The following DSCAM variants were observed in gnomAD, a reference collection of about 807,000 sequenced individuals.
The protein encoded by DSCAM is cell adhesion molecule DSCAM.
In DSCAM, 47 loss-of-function variants were observed where a neutral mutation model predicts 217.7. The observed-to-expected ratio is 0.22, with a 90% CI of 0.17 to 0.28. The LOEUF (loss-of-function observed/expected upper bound fraction) is 0.28. DSCAM is among the 10% of genes least tolerant of loss of function. The pLI is 1.00. For missense variants in DSCAM, 2,080 were observed against 2,618.3 expected (o/e 0.79, Z 4.49); for synonymous variants, 1,056 against 1,015.3 (o/e 1.04, Z -0.76).
intron 3 of DSCAM, among the ~76,000 whole-genome samples, chr21:40,597,468 T>C (rs1209292351): frequency 6.6e-6 from 1 of 151,646 alleles, no homozygotes; most frequent in Non-Finnish European, 1.5e-5. Context: ...GTTTTTTTTT[T>C]TTTTTTAACC....
intron 11 of DSCAM, among the ~76,000 whole-genome samples, chr21:40,201,769 A>G (rs1279693748): frequency 6.6e-6 from 1 of 152,210 alleles, no homozygotes; most frequent in Non-Finnish European, 1.5e-5. Flanking sequence ...ATGTAGAAAA[A>G]GGAAAATAGT....
chr21:40,169,698 A>G (rs187258906), intron 15 of DSCAM, among the ~76,000 whole-genome samples: 3 of 152,320 alleles, frequency 2.0e-5, no homozygotes, highest in Admixed American at 6.5e-5. Flanking sequence ...TCGATTTTCC[A>G]GTTAAGATGT....
At chr21:40,135,125 G>A (rs976657418) in intron 18 of DSCAM, among the ~76,000 whole-genome samples, 4 of 152,206 alleles carry the variant, frequency 2.6e-5, no homozygotes, top group African/African-American at 9.6e-5. Flanking sequence ...AGCATGAGAA[G>A]GGCCTGAGAA....
chr21:40,540,914 G>A (rs1601728263), intron 3 of DSCAM, among the ~76,000 whole-genome samples: 1 of 151,106 alleles, frequency 6.6e-6, no homozygotes, highest in Middle Eastern at 3.4e-3. Flanking sequence ...TTTTTTTAAA[G>A]ATGGGGTTTC....
At chr21:40,088,740 C>T (rs1161221858) in intron 21 of DSCAM, among the ~76,000 whole-genome samples, 2 of 152,188 alleles carry the variant, frequency 1.3e-5, no homozygotes, top group Non-Finnish European at 2.9e-5. Flanking sequence ...TCACACACTT[C>T]AGACAGTTCT....
intron 3 of DSCAM, among the ~76,000 whole-genome samples, chr21:40,493,189 T>C (rs1415614772): frequency 6.6e-6 from 1 of 152,208 alleles, no homozygotes; most frequent in Non-Finnish European, 1.5e-5. Context: ...TTGCCAACAC[T>C]TATATTTTTA....
chr21:40,460,490 C>A (rs1240010401), intron 3 of DSCAM, among the ~76,000 whole-genome samples: 1 of 151,980 alleles, frequency 6.6e-6, no homozygotes, highest in African/African-American at 2.4e-5. Flanking sequence ...AACTTAACCA[C>A]ATAAAAAATA....
intron 3 of DSCAM, among the ~76,000 whole-genome samples, chr21:40,372,994 G>C (rs781009911): frequency 6.7e-6 from 1 of 149,494 alleles, no homozygotes; most frequent in Admixed American, 7.1e-5. Flanking sequence ...TGGGGCATTA[G>C]CCCAGTAGGA....
intron 1 of DSCAM, among the ~76,000 whole-genome samples, chr21:40,727,865 C>A (rs955060127): frequency 3.3e-5 from 5 of 152,148 alleles, no homozygotes; most frequent in African/African-American, 1.2e-4. Context: ...TCTCCTACCA[C>A]CCTCCCCTGG....
At chr21:40,378,092 T>C (rs889789858) in intron 3 of DSCAM, among the ~76,000 whole-genome samples, 2 of 152,130 alleles carry the variant, frequency 1.3e-5, no homozygotes, top group African/African-American at 2.4e-5. Flanking sequence ...ACACTCCACG[T>C]CATTACCAAA....
At chr21:40,652,241 G>A (rs544896627) in intron 3 of DSCAM, among the ~76,000 whole-genome samples, 62 of 151,936 alleles carry the variant, frequency 4.1e-4, no homozygotes, top group African/African-American at 1.4e-3. Flanking sequence ...GATCTGTGCG[G>A]CAAACCACCG....
intron 3 of DSCAM, among the ~76,000 whole-genome samples, chr21:40,574,249 G>A (rs533957260): frequency 2.0e-5 from 3 of 152,216 alleles, no homozygotes; most frequent in African/African-American, 7.2e-5. Context: ...GCAATTGGAT[G>A]CTATAAACTT....
chr21:40,083,683 T>G (rs2089493525), intron 24 of DSCAM, among the ~76,000 whole-genome samples: 1 of 152,262 alleles, frequency 6.6e-6, no homozygotes, highest in African/African-American at 2.4e-5. Flanking sequence ...ACTGTTGATA[T>G]TTCACTCTTA....
chr21:40,842,480 C>T (rs985903237), intron 1 of DSCAM, among the ~76,000 whole-genome samples: 13 of 152,206 alleles, frequency 8.5e-5, no homozygotes, highest in Admixed American at 2.0e-4. Flanking sequence ...CTGGATGCCA[C>T]ATTTTGTAAA....
At chr21:40,799,598 T>G (rs2091721004) in intron 1 of DSCAM, among the ~76,000 whole-genome samples, 1 of 152,216 alleles carries the variant, frequency 6.6e-6, no homozygotes. Context: ...GGGGAATATC[T>G]GATTTCCCTT....
chr21:40,789,924 A>G lies in DSCAM; in HGVS notation c.43+56695T>C, dbSNP rs528271099. Among the ~76,000 whole-genome samples, 88 of 152,282 alleles carry G rather than the reference A, an allele frequency of 5.8e-4. No homozygotes were observed. In the Middle Eastern group the frequency reaches 0.01, roughly 18 times the overall value. On this transcript the variant is annotated intron_variant, in intron 1 of 32. Coordinates refer to ENST00000400454, the MANE Select transcript of DSCAM (RefSeq NM_001389.5). ...GGACAGAATTCTACCGTTAGGAGTC[A>G]TGAAATCAGTGGTGGGAAGCTTGAC...
At chr21:40,434,033 C>A (rs928385424) in intron 3 of DSCAM, among the ~76,000 whole-genome samples, 1 of 152,238 alleles carries the variant, frequency 6.6e-6, no homozygotes, top group African/African-American at 2.4e-5. Flanking sequence ...GGCATCTAGA[C>A]CGCCTTTCTT....
chr21:40,336,120 C>T (rs1049161246), intron 8 of DSCAM, among the ~76,000 whole-genome samples: 2 of 152,172 alleles, frequency 1.3e-5, no homozygotes, highest in Non-Finnish European at 2.9e-5. Flanking sequence ...CACAGTGTTT[C>T]CTCCACCTCC....
chr21:40,612,512 G>A (rs757247507), intron 3 of DSCAM, among the ~76,000 whole-genome samples: 8 of 152,168 alleles, frequency 5.3e-5, no homozygotes, highest in African/African-American at 9.7e-5. Context: ...GATTTGCCGC[G>A]AGGAGAAAGA....
Sources: gnomAD v4.1 joint callset for allele counts (sites outside exome capture counted in the v4.1 genomes callset) on GRCh38, gnomAD v4.1.1 for gene constraint, MANE v1.5 for transcripts, NCBI Gene and HGNC (gene_info 2026-07-23, HGNC 2026-07-21) for gene names.